CBLN2: variants seen among roughly 807,000 people sequenced by gnomAD.
The protein encoded by CBLN2 is cerebellin 2 precursor.
CBLN2 carries 7 observed loss-of-function variants against 15.0 expected under a neutral mutation model. The ratio of observed to expected loss-of-function variants is 0.47; its 90% CI spans 0.27 to 0.88. The LOEUF (loss-of-function observed/expected upper bound fraction) is 0.88, where lower values mean the gene tolerates loss of function less well. Among genes scored for constraint, CBLN2 ranks in the 40% least tolerant of loss-of-function variants. CBLN2 has a pLI of 0.14. For missense variants in CBLN2, 242 were observed against 304.5 expected (o/e 0.79, Z 1.53); for synonymous variants, 149 against 135.2 (o/e 1.10, Z -0.71).
intron 1 of CBLN2, among the ~76,000 whole-genome samples, chr18:72,622,820 T>C (rs527776624): frequency 2.4e-4 from 37 of 152,286 alleles, no homozygotes; most frequent in African/African-American, 8.9e-4. Context: ...CCCTCCGTGT[T>C]ATCAGATTTT....
chr18:72,598,523 G>T (rs2069527303), intron 1 of CBLN2, among the ~76,000 whole-genome samples: 1 of 152,200 alleles, frequency 6.6e-6, no homozygotes, highest in Non-Finnish European at 1.5e-5. Flanking sequence ...TGGGGCAGGG[G>T]TTATGCAAGC....
At chr18:72,626,102 A>G (rs1265691922) in intron 1 of CBLN2, among the ~76,000 whole-genome samples, 1 of 152,012 alleles carries the variant, frequency 6.6e-6, no homozygotes, top group East Asian at 1.9e-4. Flanking sequence ...GGATTCATTC[A>G]TGGCAGCATG....
At chr18:72,559,444 C>T (rs2144891236) in intron 1 of CBLN2, among the ~76,000 whole-genome samples, 1 of 152,338 alleles carries the variant, frequency 6.6e-6, no homozygotes, top group South Asian at 2.1e-4. Context: ...CAAGTCGCGC[C>T]ATTTTGGATT....
intron 1 of CBLN2, among the ~76,000 whole-genome samples, chr18:72,637,507 C>T (rs900399095): frequency 1.3e-5 from 2 of 152,146 alleles, no homozygotes; most frequent in South Asian, 2.1e-4. Context: ...GAATAGAAAG[C>T]GACAGCAGCG....
chr18:72,544,520 G>C (rs947769377), upstream of CBLN2: 27 of 152,366 alleles, frequency 1.8e-4, no homozygotes, highest in African/African-American at 6.3e-4. Context: ...GCTGCGGACC[G>C]GCGGACTCCG....
intron 1 of CBLN2, among the ~76,000 whole-genome samples, chr18:72,578,437 G>A (rs976235905): frequency 6.6e-6 from 1 of 152,138 alleles, no homozygotes; most frequent in African/African-American, 2.4e-5. Flanking sequence ...TGTATGGCTT[G>A]AAGTCATTCC....
chr18:72,630,179 C>G (rs2069765607), intron 1 of CBLN2, among the ~76,000 whole-genome samples: 1 of 152,114 alleles, frequency 6.6e-6, no homozygotes, highest in Non-Finnish European at 1.5e-5. Flanking sequence ...CATGGTATCA[C>G]TTTTTATACC....
upstream of CBLN2, among the ~76,000 whole-genome samples, chr18:72,546,505 T>A (rs138498556): frequency 1.3e-5 from 2 of 152,158 alleles, no homozygotes; most frequent in African/African-American, 4.8e-5. Flanking sequence ...TGCTTAGAAA[T>A]TTTTTAAGAA....
At chr18:72,634,705 G>C (rs376758495) in intron 1 of CBLN2, among the ~76,000 whole-genome samples, 1 of 152,114 alleles carries the variant, frequency 6.6e-6, no homozygotes, top group Non-Finnish European at 1.5e-5. Context: ...GTGGCCAGGA[G>C]ATATTTCTAC....
chr18:72,635,720 A>C (rs1327027962), intron 1 of CBLN2, among the ~76,000 whole-genome samples: 1 of 152,174 alleles, frequency 6.6e-6, no homozygotes, highest in African/African-American at 2.4e-5. Context: ...ATTTATCTTT[A>C]AAAGTCCAAC....
At chr18:72,604,230 A>T (rs1360794495) in intron 1 of CBLN2, among the ~76,000 whole-genome samples, 1 of 152,196 alleles carries the variant, frequency 6.6e-6, no homozygotes, top group Non-Finnish European at 1.5e-5. Flanking sequence ...GCTTTATAAC[A>T]AGAGTCATAA....
At chr18:72,551,922 T>C (rs1234942778) in intron 1 of CBLN2, among the ~76,000 whole-genome samples, 1 of 152,230 alleles carries the variant, frequency 6.6e-6, no homozygotes, top group Non-Finnish European at 1.5e-5. Context: ...TTTGAGATTG[T>C]ACATTTGTGT....
At chr18:72,593,967 A>G (rs12967840) in intron 1 of CBLN2, among the ~76,000 whole-genome samples, 92,299 of 151,988 alleles carry the variant, frequency 0.61, 31,764 homozygotes, top group Non-Finnish European at 0.79. Flanking sequence ...AAAAGGATGA[A>G]TTCATGTCCT....
At chr18:72,545,456 A>G (rs1250927963), upstream of CBLN2, among the ~76,000 whole-genome samples, 1 of 152,202 alleles carries the variant, frequency 6.6e-6, no homozygotes, top group Non-Finnish European at 1.5e-5. Context: ...ATACTTCAAC[A>G]CTTTTGTACC....
intron 1 of CBLN2, among the ~76,000 whole-genome samples, chr18:72,568,872 T>A (rs1417990931): frequency 6.6e-6 from 1 of 152,162 alleles, no homozygotes; most frequent in Non-Finnish European, 1.5e-5. Context: ...CAGATTATAT[T>A]TAAAGTGTTT....
intron 3 of CBLN2, chr18:72,539,476 T>C (rs988278943): frequency 2.6e-5 from 4 of 152,328 alleles, no homozygotes; most frequent in African/African-American, 9.7e-5. Context: ...AGCAATGTGC[T>C]GCTCCCTTGC....
At chr18:72,596,071 T>A (rs923562376) in intron 1 of CBLN2, among the ~76,000 whole-genome samples, 2 of 152,144 alleles carry the variant, frequency 1.3e-5, no homozygotes, top group Non-Finnish European at 2.9e-5. Context: ...GCCATTTTGT[T>A]ACTTTTTTAC....
chr18:72,632,473 T>C (rs1044388057), intron 1 of CBLN2, among the ~76,000 whole-genome samples: 1 of 152,192 alleles, frequency 6.6e-6, no homozygotes, highest in Non-Finnish European at 1.5e-5. Context: ...GCTTTATAAA[T>C]AACTTAATCA....
At chr18:72,618,102 A>G (rs2069674874) in intron 1 of CBLN2, among the ~76,000 whole-genome samples, 1 of 152,110 alleles carries the variant, frequency 6.6e-6, no homozygotes, top group Non-Finnish European at 1.5e-5. Flanking sequence ...GTAAAACTAG[A>G]TTTTGGTTTT....
Sources: allele counts gnomAD v4.1 joint callset (sites outside exome capture counted in the v4.1 genomes callset), GRCh38; gene constraint gnomAD v4.1.1; transcripts MANE v1.5; gene names NCBI Gene and HGNC (gene_info 2026-07-23, HGNC 2026-07-21).